Variants in TMEM120B observed in about 807,000 individuals in gnomAD.
TMEM120B encodes transmembrane protein 120B.
A neutral mutation model predicts 55.5 loss-of-function variants in TMEM120B; 31 were observed. That is an observed-to-expected ratio of 0.56 (90% CI 0.42 to 0.75). The LOEUF is 0.75. Among genes scored for constraint, TMEM120B ranks in the 30% least tolerant of loss-of-function variants. The probability of loss-of-function intolerance (pLI) is 0.00; values close to 1 mark genes in which losing one functional copy is unlikely to be tolerated. For synonymous variants in TMEM120B, 203 were observed against 176.3 expected (o/e 1.15, Z -1.20); for missense variants, 399 against 425.5 (o/e 0.94, Z 0.55).
intron 5 of TMEM120B, among the ~76,000 whole-genome samples, chr12:121,759,410 G>T (rs115507973): frequency 0.027 from 4,106 of 152,130 alleles, 203 homozygotes; most frequent in African/African-American, 0.094. Flanking sequence ...GGATGCGGTG[G>T]CTCACGCTTG....
chr12:121,748,436 A>G lies in TMEM120B; in HGVS notation c.299A>G (p.Lys100Arg), dbSNP rs1376939002. ...FFDMEAYLPK[K>R]NGLYLNLVLG... ...GACATGGAGGCCTACCTGCCCAAGA[A>G]GAACGGGTAGGAGCTGGCAACCTCC... Residue 100 changes from lysine (K) to arginine (R), a missense_variant, in exon 3 of 12, where the codon AAG (lysine) becomes AGG (arginine). Coordinates refer to ENST00000449592, the MANE Select transcript of TMEM120B (RefSeq NM_001080825.2). 1 of 1,607,372 alleles carries G rather than the reference A, an allele frequency of 6.2e-7. No homozygotes were observed.
In TMEM120B at chr12:121,712,891, G is replaced by A. The variant is rs752027751; in HGVS notation, c.-5G>A. The A allele has an allele frequency of 4.3e-5, 65 of 1,520,256 alleles. No individual in the cohort carries two copies. The Middle Eastern group carries it at 6.5e-3, about 153-fold the overall frequency. 94.2% of individuals were successfully genotyped at this position (1,520,256 alleles called of 1,614,324 possible). ...GCCGGCACCGCCGCCTTGCACCATC[G>A]CATCATGTCCGGGCAGCTGGAGCGT... On this transcript the variant is annotated 5_prime_UTR_variant, in exon 1 of 12. Transcript: ENST00000449592.
intron 8 of TMEM120B, 121 bp downstream of exon 8, chr12:121,771,670 GA>G: frequency 9.7e-7 from 1 of 1,034,408 alleles, no homozygotes; most frequent in Non-Finnish European, 1.5e-6. Context: ...CAGACTGGGG[GA>G]GAGGGTCCCA....
intron 1 of TMEM120B, among the ~76,000 whole-genome samples, chr12:121,714,872 T>C (rs532339893): frequency 6.6e-6 from 1 of 152,196 alleles, no homozygotes; most frequent in South Asian, 2.1e-4. Context: ...CAGCCACTTC[T>C]TAATGCTTTG....
rs753393556 is a variant in TMEM120B, at chr12:121,781,082, C to T, written c.*5360C>T. On this transcript the variant is annotated 3_prime_UTR_variant, in exon 12 of 12. Coordinates refer to ENST00000449592, the MANE Select transcript of TMEM120B (RefSeq NM_001080825.2). ...GCCACCACCCAGGAGGCCGGCCTCACCTTGATGAGGACGTTGTCGTAGCTG... is the reference window on the plus strand; with the variant it reads ...GCCACCACCCAGGAGGCCGGCCTCATCTTGATGAGGACGTTGTCGTAGCTG... 11 of 1,614,000 alleles carry T rather than the reference C, an allele frequency of 6.8e-6. No homozygotes were observed. Among genetic ancestry groups the T allele is most frequent in the Admixed American group, 5.0e-5 (3 of 60,004 alleles).
At chr12:121,731,688 T>G (rs1895006642) in intron 1 of TMEM120B, among the ~76,000 whole-genome samples, 1 of 152,230 alleles carries the variant, frequency 6.6e-6, no homozygotes, top group African/African-American at 2.4e-5. Context: ...ATGCATTTCT[T>G]AGAACGATCC....
chr12:121,781,312 C>A lies in TMEM120B; in HGVS notation c.*5590C>A. On this transcript the variant is annotated 3_prime_UTR_variant, in exon 12 of 12. Transcript: ENST00000449592. ...TAGGGCCTCAATTTCCTCATCTATA[C>A]AATGGGCAGCAAGCCAGGAGTGCTG... 2.5e-6 allele frequency: 2 copies of A among 804,214 alleles called. No individual in the cohort carries two copies. The highest frequency in any genetic ancestry group is 4.0e-6 in the Non-Finnish European group (2 of 503,548). The allele number at this position is 804,214 out of a possible 1,614,324, so 49.8% of individuals were successfully genotyped here.
At chr12:121,737,484 G>A (rs1872781895) in intron 1 of TMEM120B, among the ~76,000 whole-genome samples, 1 of 151,588 alleles carries the variant, frequency 6.6e-6, no homozygotes, top group South Asian at 2.1e-4. Context: ...CAGCGTGGGT[G>A]ACAGAGCAAG....
At chr12:121,761,516 C>T in intron 5 of TMEM120B, 133 bp from the exon 6 acceptor site, 1 of 637,372 alleles carries the variant, frequency 1.6e-6, no homozygotes, top group East Asian at 2.8e-5. Flanking sequence ...TCCCTGGTGT[C>T]ATAAGGGCTT....
chr12:121,760,275 C>G (rs1289563233), intron 5 of TMEM120B, among the ~76,000 whole-genome samples: 1 of 151,836 alleles, frequency 6.6e-6, no homozygotes, highest in Non-Finnish European at 1.5e-5. Context: ...TGCACTCCAG[C>G]CTGAGCGAGA....
At chr12:121,741,831 A>G (rs768638186) in intron 1 of TMEM120B, among the ~76,000 whole-genome samples, 2 of 150,956 alleles carry the variant, frequency 1.3e-5, no homozygotes, top group Non-Finnish European at 3.0e-5. Context: ...ATTAAGTAAA[A>G]TAAAAGCATT....
At chr12:121,768,867 C>G (rs1201453607) in intron 6 of TMEM120B, among the ~76,000 whole-genome samples, 1 of 152,000 alleles carries the variant, frequency 6.6e-6, no homozygotes, top group Non-Finnish European at 1.5e-5. Context: ...CCAGCTGGGC[C>G]GGGTGCAGTG....
intron 5 of TMEM120B, among the ~76,000 whole-genome samples, chr12:121,754,376 T>G (rs1396323689): frequency 6.6e-6 from 1 of 152,186 alleles, no homozygotes; most frequent in Non-Finnish European, 1.5e-5. Context: ...GGGCGTCTCT[T>G]TTTCTCCTAC....
Position 121,712,879 on chromosome 12 carries a change from C to T in TMEM120B, c.-17C>T. The stretch of plus-strand genomic sequence containing the variant: ...GCGGGAGCAGCCGCCGGCACCGCCG[C>T]CTTGCACCATCGCATCATGTCCGGG... On this transcript the variant is annotated 5_prime_UTR_variant, in exon 1 of 12. Transcript: ENST00000449592. 2 of 1,513,478 alleles carry T rather than the reference C, an allele frequency of 1.3e-6. No homozygotes were observed. Among genetic ancestry groups the T allele is most frequent in the Non-Finnish European group, 1.8e-6 (2 of 1,136,502 alleles). 93.8% of individuals were successfully genotyped at this position (1,513,478 alleles called of 1,614,324 possible). A position where few individuals can be genotyped will look rare whatever the true frequency, so the allele number is the denominator to read the frequency against.
chr12:121,773,300 A>C (rs1357797777), intron 8 of TMEM120B, 121 bp from the exon 9 acceptor site: 3 of 819,468 alleles, frequency 3.7e-6, no homozygotes, highest in Non-Finnish European at 5.8e-6. Flanking sequence ...GGTTGTAACC[A>C]GGGCACCCTT....
At chr12:121,734,050 C>T (rs896252453) in intron 1 of TMEM120B, among the ~76,000 whole-genome samples, 2 of 152,072 alleles carry the variant, frequency 1.3e-5, no homozygotes, top group African/African-American at 4.8e-5. Flanking sequence ...GTCCAGAGGG[C>T]GGCGTGGCCC....
intron 1 of TMEM120B, among the ~76,000 whole-genome samples, chr12:121,715,850 C>G (rs1002165205): frequency 2.0e-5 from 3 of 151,872 alleles, no homozygotes; most frequent in Non-Finnish European, 4.4e-5. Flanking sequence ...ATTTAGTTCT[C>G]TAAATATTGG....
chr12:121,779,673 GGAGGAGCCAGCATTAGGT>G lies in TMEM120B; in HGVS notation c.*3956_*3973del. 6.2e-7 allele frequency: 1 copy of G among 1,613,418 alleles called. No homozygotes were observed. The highest frequency in any genetic ancestry group is 8.5e-7 in the Non-Finnish European group (1 of 1,179,694). ...GCAGGCGCTCAGGCCCTGGGTGGGG[GGAGGAGCCAGCATTAGGT>G]GAGGGGCCCCTGGAGGTCTCCTAGC... On this transcript the variant is annotated 3_prime_UTR_variant, in exon 12 of 12. Coordinates refer to ENST00000449592, the MANE Select transcript of TMEM120B (RefSeq NM_001080825.2).
At chr12:121,741,993 AC>A (rs1373399668) in intron 1 of TMEM120B, among the ~76,000 whole-genome samples, 1 of 147,310 alleles carries the variant, frequency 6.8e-6, no homozygotes, top group African/African-American at 2.5e-5. Context: ...TTCCTTATTT[AC>A]TGACTTAACT....
Sources: gnomAD v4.1 joint callset for allele counts (sites outside exome capture counted in the v4.1 genomes callset) on GRCh38, gnomAD v4.1.1 for gene constraint, MANE v1.5 for transcripts, NCBI Gene and HGNC (gene_info 2026-07-23, HGNC 2026-07-21) for gene names.